Variants in PDLIM5 observed in about 807,000 individuals in gnomAD.
PDLIM5 encodes the protein PDZ and LIM domain 5, also known as PDZ and LIM domain protein 5.
PDLIM5 carries 34 observed loss-of-function variants against 64.2 expected under a neutral mutation model. That is an observed-to-expected ratio of 0.53 (90% confidence interval 0.40 to 0.71). The LOEUF (loss-of-function observed/expected upper bound fraction) is 0.71. Among genes scored for constraint, PDLIM5 ranks in the 30% least tolerant of loss-of-function variants. PDLIM5 has a pLI of 0.00. For missense variants in PDLIM5, 683 were observed against 733.6 expected, an observed-to-expected ratio of 0.93 and a Z score of 0.80; for synonymous variants, 253 against 269.1, an observed-to-expected ratio of 0.94 and a Z score of 0.59.
chr4:94,494,172 T>C (rs1727122067), intron 2 of PDLIM5, among the ~76,000 whole-genome samples: 1 of 151,970 alleles, frequency 6.6e-6, no homozygotes, highest in African/African-American at 2.4e-5. Context: ...CTTGCTCTGT[T>C]ACCCAGGCTG....
chr4:94,510,049 A>G (rs1336289097), intron 2 of PDLIM5, among the ~76,000 whole-genome samples: 1 of 152,230 alleles, frequency 6.6e-6, no homozygotes, highest in East Asian at 1.9e-4. Context: ...GCACTTATGT[A>G]ATCACTCAGT....
intron 3 of PDLIM5, among the ~76,000 whole-genome samples, chr4:94,541,567 C>A (rs576350030): frequency 6.6e-6 from 1 of 152,344 alleles, no homozygotes; most frequent in Non-Finnish European, 1.5e-5. Flanking sequence ...CATGCCATAG[C>A]CCTCTGCAGG....
chr4:94,487,541 A>C (rs111884624), intron 2 of PDLIM5, among the ~76,000 whole-genome samples: 1,814 of 152,316 alleles, frequency 0.012, 42 homozygotes, highest in African/African-American at 0.041. Context: ...CCATTCCTTA[A>C]GAGGTGAAAG....
intron 2 of PDLIM5, among the ~76,000 whole-genome samples, chr4:94,476,261 T>C (rs574832428): frequency 6.6e-6 from 1 of 152,272 alleles, no homozygotes; most frequent in East Asian, 1.9e-4. Context: ...AGAATGTGAC[T>C]TTGTTTTTAG....
chr4:94,608,256 A>G (rs1013661579), intron 7 of PDLIM5: 1 of 976,098 alleles, frequency 1.0e-6, no homozygotes, highest in Non-Finnish European at 1.5e-6. Flanking sequence ...TTGAAAAAGA[A>G]AAAATGATTG....
chr4:94,496,067 A>C (rs1727364336), intron 2 of PDLIM5, among the ~76,000 whole-genome samples: 2 of 152,088 alleles, frequency 1.3e-5, no homozygotes, highest in East Asian at 1.9e-4. Context: ...CAAAAAAAAA[A>C]ACCAAAAAAC....
chr4:94,638,923 G>A (rs904139052), intron 8 of PDLIM5, among the ~76,000 whole-genome samples: 23 of 152,200 alleles, frequency 1.5e-4, no homozygotes, highest in African/African-American at 5.3e-4. Context: ...TCTAGTTAAG[G>A]GAAGGAAAGG....
At chr4:94,462,823 A>G (rs1724024390) in intron 2 of PDLIM5, among the ~76,000 whole-genome samples, 1 of 152,158 alleles carries the variant, frequency 6.6e-6, no homozygotes, top group African/African-American at 2.4e-5. Flanking sequence ...ACAGACCTTG[A>G]TCATTTCCAA....
intron 9 of PDLIM5, among the ~76,000 whole-genome samples, chr4:94,650,562 T>C (rs1741764554): frequency 6.6e-6 from 1 of 152,184 alleles, no homozygotes; most frequent in Non-Finnish European, 1.5e-5. Flanking sequence ...CCATATGATC[T>C]TAGGAAAGTT....
chr4:94,499,950 C>A (rs943097028), intron 2 of PDLIM5, among the ~76,000 whole-genome samples: 2 of 152,196 alleles, frequency 1.3e-5, no homozygotes, highest in African/African-American at 2.4e-5. Flanking sequence ...TCCCCTCCCC[C>A]TGACCCACCT....
At position 94,665,114 on chromosome 4, in the gene PDLIM5, A is replaced by G; in HGVS notation, c.*1047A>G. On this transcript the variant is annotated 3_prime_UTR_variant, in exon 13 of 13. Coordinates refer to ENST00000317968, the MANE Select transcript of PDLIM5 (RefSeq NM_006457.5). The stretch of plus-strand genomic sequence containing the variant: ...TCATCACCTATATTAGGCAAATTCC[A>G]TTTTTTTCCCTTGTGCTAAGGTAAA... 1 of 956,030 alleles carries G rather than the reference A, an allele frequency of 1.0e-6. No individual in the cohort carries two copies. Among genetic ancestry groups the G allele is most frequent in the Non-Finnish European group, 1.2e-6 (1 of 803,122 alleles). 59.2% of individuals were successfully genotyped at this position (956,030 alleles called of 1,614,324 possible).
intron 5 of PDLIM5, chr4:94,577,386 A>G (rs1258940801): frequency 4.4e-6 from 2 of 456,428 alleles, no homozygotes; most frequent in Non-Finnish European, 8.8e-6. Flanking sequence ...CTGCTGAGAG[A>G]GGGAGAGCAG....
intron 7 of PDLIM5, among the ~76,000 whole-genome samples, chr4:94,603,440 T>C (rs1343289343): frequency 1.3e-5 from 2 of 152,038 alleles, no homozygotes; most frequent in Non-Finnish European, 2.9e-5. Flanking sequence ...ATGGGGTAGA[T>C]GGATGGCGTA....
chr4:94,635,878 G>A (rs1425450955), intron 8 of PDLIM5, among the ~76,000 whole-genome samples: 1 of 152,192 alleles, frequency 6.6e-6, no homozygotes, highest in African/African-American at 2.4e-5. Context: ...AAATGTTCAG[G>A]ACTTGGTAAT....
intron 8 of PDLIM5, among the ~76,000 whole-genome samples, chr4:94,636,058 G>T (rs149622608): frequency 6.6e-6 from 1 of 152,170 alleles, no homozygotes; most frequent in Non-Finnish European, 1.5e-5. Context: ...GCCTTTTTAT[G>T]TGTGTTTGAG....
chr4:94,601,345 A>G (rs893579623), intron 7 of PDLIM5, among the ~76,000 whole-genome samples: 1 of 152,116 alleles, frequency 6.6e-6, no homozygotes, highest in East Asian at 1.9e-4. Flanking sequence ...TGTGTGACCT[A>G]ATCATCTCCC....
intron 2 of PDLIM5, among the ~76,000 whole-genome samples, chr4:94,491,904 GA>G (rs1332167911): frequency 1.3e-5 from 2 of 151,660 alleles, no homozygotes; most frequent in African/African-American, 4.9e-5. Context: ...TTTTTGTGGT[GA>G]AACATTTGAA....
intron 2 of PDLIM5, among the ~76,000 whole-genome samples, chr4:94,499,334 C>CATTT (rs903751596): frequency 6.6e-6 from 1 of 151,902 alleles, no homozygotes; most frequent in Non-Finnish European, 1.5e-5. Context: ...TGGAAACTTT[C>CATTT]ATTTATTTAT....
intron 1 of PDLIM5, among the ~76,000 whole-genome samples, chr4:94,453,813 T>C (rs1270389865): frequency 6.6e-6 from 1 of 152,210 alleles, no homozygotes; most frequent in East Asian, 1.9e-4. Context: ...GCTTGGCCTT[T>C]GGATCTTTTT....
Sources: gnomAD v4.1 joint callset for allele counts (sites outside exome capture counted in the v4.1 genomes callset) on GRCh38, gnomAD v4.1.1 for gene constraint, MANE v1.5 for transcripts, NCBI Gene and HGNC (gene_info 2026-07-23, HGNC 2026-07-21) for gene names.